Variants in SMG6 observed in about 807,000 individuals in gnomAD.
SMG6 encodes the protein SMG6 nonsense mediated mRNA decay factor, also known as telomerase-binding protein EST1A.
In SMG6, 66 loss-of-function variants were observed where a neutral mutation model predicts 142.2. The observed-to-expected ratio is 0.46, with a 90% CI of 0.38 to 0.57. SMG6 has a LOEUF of 0.57. SMG6 is among the 20% of genes least tolerant of loss of function. SMG6 has a pLI of 0.00. For missense variants in SMG6, 1,793 were observed against 1,832.0 expected, an observed-to-expected ratio of 0.98 and a Z score of 0.39; for synonymous variants, 779 against 702.4, an observed-to-expected ratio of 1.11 and a Z score of -1.72.
At chr17:2,217,255 T>C (rs1337219717) in intron 10 of SMG6, among the ~76,000 whole-genome samples, 2 of 152,108 alleles carry the variant, frequency 1.3e-5, no homozygotes, top group African/African-American at 4.8e-5. Context: ...TACTAAAGTA[T>C]TGTGATAATT....
intron 10 of SMG6, among the ~76,000 whole-genome samples, chr17:2,228,217 C>A (rs1263266770): frequency 6.6e-6 from 1 of 151,930 alleles, no homozygotes; most frequent in African/African-American, 2.4e-5. Flanking sequence ...GCATATGCCA[C>A]TGCGCCCAGC....
chr17:2,272,397 C>G (rs2074559376), intron 8 of SMG6, among the ~76,000 whole-genome samples: 1 of 152,178 alleles, frequency 6.6e-6, no homozygotes, highest in Non-Finnish European at 1.5e-5. Context: ...CCACAGTACC[C>G]AATACATACC....
intron 13 of SMG6, among the ~76,000 whole-genome samples, chr17:2,102,190 A>C (rs935830329): frequency 5.3e-5 from 8 of 152,132 alleles, no homozygotes; most frequent in Non-Finnish European, 1.0e-4. Flanking sequence ...TCCTTTACAA[A>C]ATTTTATTAT....
At chr17:2,073,578 T>G (rs1310575192) in intron 15 of SMG6, among the ~76,000 whole-genome samples, 1 of 150,054 alleles carries the variant, frequency 6.7e-6, no homozygotes, top group Non-Finnish European at 1.5e-5. Context: ...ACGTGGTGGC[T>G]CATGCCTGTA....
chr17:2,283,417 C>T (rs550344352), intron 7 of SMG6, among the ~76,000 whole-genome samples: 3 of 152,306 alleles, frequency 2.0e-5, no homozygotes, highest in African/African-American at 7.2e-5. Flanking sequence ...TGCACAGGGG[C>T]TGACCAACTA....
Position 2,081,929 on chromosome 17 carries a change from C to T in SMG6, c.3562G>A (p.Glu1188Lys). 5 of 1,614,200 alleles carry T rather than the reference C, an allele frequency of 3.1e-6. No homozygotes were observed. Among genetic ancestry groups the T allele is most frequent in the Non-Finnish European group, 3.4e-6 (4 of 1,180,036 alleles). The change falls in exon 15 of 19, where the codon GAG becomes AAG. Residue 1188 changes from glutamate to lysine, a missense_variant. Transcript: ENST00000263073. ...EEEDVVIEDF[E>K]EDSEAEGSGG... Reference sequence around the variant, plus strand: ...CTGCCTTCAGCCTCTGAATCTTCCTCAAAGTCTTCAATCACCACATCCTCC... The same window carrying T: ...CTGCCTTCAGCCTCTGAATCTTCCTTAAAGTCTTCAATCACCACATCCTCC...
At chr17:2,072,829 C>T (rs2068143440) in intron 15 of SMG6, 1 of 152,202 alleles carries the variant, frequency 6.6e-6, no homozygotes. Context: ...CTGGCCAGAG[C>T]AATGTCTTCA....
At chr17:2,293,766 G>A (rs1412130140) in intron 4 of SMG6, among the ~76,000 whole-genome samples, 4 of 152,166 alleles carry the variant, frequency 2.6e-5, no homozygotes, top group African/African-American at 9.7e-5. Flanking sequence ...GAGCCATCAC[G>A]CCCACCCACT....
At chr17:2,275,912 G>A (rs1018372787) in intron 8 of SMG6, among the ~76,000 whole-genome samples, 5 of 152,142 alleles carry the variant, frequency 3.3e-5, no homozygotes, top group Non-Finnish European at 7.3e-5. Context: ...CTAACCTCCT[G>A]CAACCATTCA....
intron 8 of SMG6, among the ~76,000 whole-genome samples, chr17:2,252,115 A>G (rs1385714178): frequency 6.8e-6 from 1 of 147,688 alleles, no homozygotes; most frequent in Non-Finnish European, 1.5e-5. Flanking sequence ...AAAAAAGGAA[A>G]AAAAAGAAAA....
intron 13 of SMG6, among the ~76,000 whole-genome samples, chr17:2,118,235 T>C (rs1032822291): frequency 4.0e-5 from 6 of 150,386 alleles, no homozygotes; most frequent in Non-Finnish European, 5.9e-5. Context: ...AGCAAGACCG[T>C]CTCAAAAAAC....
At chr17:2,244,514 TGAAGG>T in intron 9 of SMG6, 139 bp downstream of exon 9, 1 of 637,608 alleles carries the variant, frequency 1.6e-6, no homozygotes, top group Non-Finnish European at 2.8e-6. Flanking sequence ...GGACAGAAGA[TGAAGG>T]GAAGAGAAGA....
At chr17:2,204,993 T>G (rs1379044870) in intron 10 of SMG6, among the ~76,000 whole-genome samples, 1 of 152,140 alleles carries the variant, frequency 6.6e-6, no homozygotes, top group Non-Finnish European at 1.5e-5. Context: ...AAATTTGTAC[T>G]CAGTTGCTGG....
At chr17:2,186,853 A>C (rs751336660) in intron 11 of SMG6, 22 bp from the exon 12 acceptor site, 11 of 1,612,300 alleles carry the variant, frequency 6.8e-6, no homozygotes, top group Non-Finnish European at 9.3e-6. Flanking sequence ...AAGGGTGAGA[A>C]CTGGGCCTAT....
Position 2,172,649 on chromosome 17 carries a change from G to GGGA in SMG6, c.3357+8_3357+9insTCC. On this transcript the variant is annotated intron_variant, in intron 13 of 18. Transcript: ENST00000263073. Reference sequence around the variant, plus strand: ...GCGAATGGGGAGGGATGTTTGGCCTGGGGCTGACCTTATCCGAGGTTTTCT... The same window carrying GGGA: ...GCGAATGGGGAGGGATGTTTGGCCTGGGAGGGCTGACCTTATCCGAGGTTTTCT... The GGGA allele has an allele frequency of 6.2e-7, 1 of 1,612,820 alleles. No individual in the cohort carries two copies. Among genetic ancestry groups the GGGA allele is most frequent in the South Asian group, 1.1e-5 (1 of 91,014 alleles).
In SMG6 at chr17:2,065,173, G is replaced by C. The variant is rs2067903219; in HGVS notation, c.4048-19C>G. 1 of 1,598,772 alleles carries C rather than the reference G, an allele frequency of 6.3e-7. No individual in the cohort carries two copies. The highest frequency in any genetic ancestry group is 8.6e-7 in the Non-Finnish European group (1 of 1,166,764). On this transcript the variant is annotated intron_variant, in intron 17 of 18. Transcript: ENST00000263073. ...TGTTACCCTGGAGGAAGACGTGTGT[G>C]AGAAGCACCACTGGGCAGAAGGGGG...
rs140533058 is a variant in SMG6, at chr17:2,207,423, C to T, written c.2870-18908G>A. On this transcript the variant is annotated intron_variant, in intron 10 of 18. Coordinates refer to ENST00000263073, the MANE Select transcript of SMG6 (RefSeq NM_017575.5). ...GCAGTTGTTTAGTCAACATTCTGTA[C>T]ATGACACCTCTGACTAAGGGTCAGA... is the stretch of plus-strand genomic sequence containing the variant. Among the ~76,000 whole-genome samples, 7 of 152,236 alleles carry T rather than the reference C, an allele frequency of 4.6e-5. No individual in the cohort carries two copies. The East Asian group carries it at 1.2e-3, about 25-fold the overall frequency.
rs574399717 is a variant in SMG6, at chr17:2,095,753, A to T, written c.3358-9852T>A. Among the ~76,000 whole-genome samples the T allele has an allele frequency of 2.0e-5, 3 of 152,292 alleles. No homozygotes were observed. The East Asian group carries it at 5.8e-4, about 29-fold the overall frequency. ...CTGCTCCTTCATTCCTTTCAGGCGG[A>T]TGGGTCCCGAGGAAGTCGGGATGGA... is the stretch of plus-strand genomic sequence containing the variant. On this transcript the variant is annotated intron_variant, in intron 13 of 18. Coordinates refer to ENST00000263073, the MANE Select transcript of SMG6 (RefSeq NM_017575.5).
At chr17:2,088,500 C>T (rs2068626360) in intron 13 of SMG6, 1 of 985,416 alleles carries the variant, frequency 1.0e-6, no homozygotes, top group Middle Eastern at 5.2e-4. Flanking sequence ...GCTATTAGTT[C>T]CTTCTCTAGG....
Sources: allele counts gnomAD v4.1 joint callset (sites outside exome capture counted in the v4.1 genomes callset), GRCh38; gene constraint gnomAD v4.1.1; transcripts MANE v1.5; gene names NCBI Gene and HGNC (gene_info 2026-07-23, HGNC 2026-07-21).